TMEM144: variants seen among roughly 807,000 people sequenced by gnomAD.
TMEM144 encodes the protein transmembrane protein 144.
Under a neutral mutation model 43.6 loss-of-function variants are expected in TMEM144, and 39 were observed. The ratio of observed to expected loss-of-function variants is 0.90; its 90% CI spans 0.69 to 1.17. The LOEUF (loss-of-function observed/expected upper bound fraction) is 1.17. Among genes scored for constraint, TMEM144 ranks in the 50% most tolerant of loss-of-function variants. The pLI, the probability that TMEM144 is intolerant of heterozygous loss-of-function variation, is 0.00. For synonymous variants in TMEM144, 154 were observed against 133.6 expected (o/e 1.15, Z -1.06); for missense variants, 417 against 411.9 (o/e 1.01, Z -0.11).
At chr4:158,227,412 G>T (rs907450802) in intron 6 of TMEM144, among the ~76,000 whole-genome samples, 4 of 152,170 alleles carry the variant, frequency 2.6e-5, no homozygotes, top group African/African-American at 9.6e-5. Context: ...CACTGACAAT[G>T]AAGTGGTATT....
rs749990112 is a variant in TMEM144, at chr4:158,240,400, C to G, written c.784C>G (p.Pro262Ala). ...IAMKNSPKLY[P>A]EAVLPGFLSG... Reference sequence around the variant, plus strand: ...CATGAAAAATAGTCCTAAACTATATCCTGAAGCAGTCCTACCAGGTAAGAA... The same window carrying G: ...CATGAAAAATAGTCCTAAACTATATGCTGAAGCAGTCCTACCAGGTAAGAA... The change falls in exon 10 of 13, where the codon CCT becomes GCT. Residue 262 changes from proline (P) to alanine (A), a missense_variant. By Grantham distance (27) the Pro-to-Ala change is conservative. Transcript: ENST00000296529. 6.2e-7 allele frequency: 1 copy of G among 1,612,120 alleles called. No individual in the cohort carries two copies. The highest frequency in any genetic ancestry group is 8.5e-7 in the Non-Finnish European group (1 of 1,179,386).
At chr4:158,217,459 A>G (rs774398076) in intron 5 of TMEM144, 39 bp downstream of exon 5, 4 of 1,394,264 alleles carry the variant, frequency 2.9e-6, no homozygotes, top group Admixed American at 1.7e-5. Context: ...GATTTCCTGC[A>G]TCCATATTCT....
intron 3 of TMEM144, among the ~76,000 whole-genome samples, chr4:158,214,595 T>C (rs1258373174): frequency 2.0e-5 from 3 of 152,188 alleles, no homozygotes; most frequent in African/African-American, 4.8e-5. Context: ...ACTCAAAGTA[T>C]AGAAAGCAGA....
chr4:158,231,191 G>T (rs1231408855), intron 6 of TMEM144, among the ~76,000 whole-genome samples: 1 of 152,182 alleles, frequency 6.6e-6, no homozygotes, highest in Non-Finnish European at 1.5e-5. Flanking sequence ...GAGGGTTGGG[G>T]GTTGTTGGAG....
At chr4:158,228,819 C>G (rs1009694450) in intron 6 of TMEM144, among the ~76,000 whole-genome samples, 2 of 152,096 alleles carry the variant, frequency 1.3e-5, no homozygotes, top group Non-Finnish European at 2.9e-5. Context: ...GTTTATTCGG[C>G]CAGGAGCATC....
At position 158,226,253 on chromosome 4, in the gene TMEM144, T is replaced by C. The variant is rs563510855; in HGVS notation, c.414-6648T>C. Reference sequence around the variant, plus strand: ...ATTAGTGTGTTATTAATGTTAAACTTAATTTTAATAAAATCTTGTAGACAT... The same window carrying C: ...ATTAGTGTGTTATTAATGTTAAACTCAATTTTAATAAAATCTTGTAGACAT... On this transcript the variant is annotated intron_variant, in intron 6 of 12. Transcript: ENST00000296529. Among the ~76,000 whole-genome samples the C allele has an allele frequency of 7.9e-5, 12 of 152,362 alleles. No homozygotes were observed. The South Asian group carries it at 1.7e-3, about 21-fold the overall frequency.
At chr4:158,226,559 T>C in intron 6 of TMEM144, among the ~76,000 whole-genome samples, 1 of 152,302 alleles carries the variant, frequency 6.6e-6, no homozygotes, top group Non-Finnish European at 1.5e-5. Flanking sequence ...ATTTATATTT[T>C]TATGCCTTCT....
rs146220037 is a variant in TMEM144, at chr4:158,254,738, G to C, written c.*1211G>C. 6.6e-6 allele frequency: 1 copy of C among 152,198 alleles called. No individual in the cohort carries two copies. The highest frequency in any genetic ancestry group is 1.5e-5 in the Non-Finnish European group (1 of 68,024). The allele number at this position is 152,198 out of a possible 1,614,324, so 9.4% of individuals were successfully genotyped here. A position where few individuals can be genotyped will look rare whatever the true frequency, so the allele number is the denominator to read the frequency against. On this transcript the variant is annotated 3_prime_UTR_variant, in exon 13 of 13. Coordinates refer to ENST00000296529, the MANE Select transcript of TMEM144 (RefSeq NM_018342.5). Reference sequence around the variant, plus strand: ...AAATTTTACCCATTCCCACCTGATAGTACTGTTTATTACTTTGCTATGCAG... The same window carrying C: ...AAATTTTACCCATTCCCACCTGATACTACTGTTTATTACTTTGCTATGCAG...
chr4:158,252,765 G>A (rs184887347), intron 12 of TMEM144, among the ~76,000 whole-genome samples: 4 of 144,800 alleles, frequency 2.8e-5, no homozygotes, highest in Admixed American at 7.2e-5. Flanking sequence ...CCAAGATCAC[G>A]CCACTGAACT....
In TMEM144 at chr4:158,215,314, G is replaced by A. The variant is rs1579101656; in HGVS notation, c.232+1G>A. ...CTTGGGGGCTGCATTTGGGCAACAG[G>A]TAATGTCTGATATAACTTATACTTT... On this transcript the variant is annotated splice_donor_variant, in intron 4 of 12. Coordinates refer to ENST00000296529, the MANE Select transcript of TMEM144 (RefSeq NM_018342.5). LOFTEE classifies it high-confidence loss of function. 2 of 1,613,360 alleles carry A rather than the reference G, an allele frequency of 1.2e-6. No individual in the cohort carries two copies. Among genetic ancestry groups the A allele is most frequent in the East Asian group, 4.5e-5 (2 of 44,856 alleles).
chr4:158,212,869 C>G, intron 3 of TMEM144, 93 bp downstream of exon 3: 2 of 1,010,144 alleles, frequency 2.0e-6, no homozygotes, highest in Non-Finnish European at 3.0e-6. Flanking sequence ...AAAAATAAAT[C>G]ATGTTGATCT....
chr4:158,244,169 T>G (rs571493906), intron 11 of TMEM144, 127 bp from the exon 12 acceptor site: 4 of 504,660 alleles, frequency 7.9e-6, no homozygotes, highest in Non-Finnish European at 1.3e-5. Context: ...TAGTGTGGAG[T>G]TAGGGTTGAT....
chr4:158,251,666 C>T (rs1736210814), intron 12 of TMEM144, among the ~76,000 whole-genome samples: 1 of 152,202 alleles, frequency 6.6e-6, no homozygotes, highest in South Asian at 2.1e-4. Context: ...ATCACACACC[C>T]ACCAGCACCA....
chr4:158,219,402 T>C lies in TMEM144; in HGVS notation c.413+12T>C, dbSNP rs759301286. 1 of 1,610,440 alleles carries C rather than the reference T, an allele frequency of 6.2e-7. No individual in the cohort carries two copies. Among genetic ancestry groups the C allele is most frequent in the Non-Finnish European group, 8.5e-7 (1 of 1,177,202 alleles). On this transcript the variant is annotated intron_variant, in intron 6 of 12. Transcript: ENST00000296529. ...CTATCAGTAGTAAGGTACACAGTCA[T>C]TTCTAGTGATTTTGCTGTTCTTCAA...
chr4:158,219,889 T>C (rs750027178), intron 6 of TMEM144, among the ~76,000 whole-genome samples: 1 of 152,182 alleles, frequency 6.6e-6, no homozygotes, highest in Non-Finnish European at 1.5e-5. Context: ...TGAGAACACA[T>C]ACTCTTTTGA....
At chr4:158,251,346 A>G (rs1736192543) in intron 12 of TMEM144, among the ~76,000 whole-genome samples, 1 of 152,146 alleles carries the variant, frequency 6.6e-6, no homozygotes, top group African/African-American at 2.4e-5. Flanking sequence ...CAATGCCCTT[A>G]ATCAGCAGGA....
chr4:158,227,654 GAGAGCTCTAAAACC>G (rs1274198838), intron 6 of TMEM144, among the ~76,000 whole-genome samples: 1 of 151,682 alleles, frequency 6.6e-6, no homozygotes, highest in Non-Finnish European at 1.5e-5. Context: ...AACCACTGTG[GAGAGCTCTAAAACC>G]AGCTCTCCAA....
intron 4 of TMEM144, among the ~76,000 whole-genome samples, chr4:158,216,480 C>T (rs1297611905): frequency 3.3e-5 from 5 of 152,056 alleles, no homozygotes; most frequent in African/African-American, 7.2e-5. Flanking sequence ...ATGAACATCC[C>T]GATGTTTCTA....
At chr4:158,250,287 G>C (rs933973717) in intron 12 of TMEM144, among the ~76,000 whole-genome samples, 1 of 148,700 alleles carries the variant, frequency 6.7e-6, no homozygotes, top group African/African-American at 2.5e-5. Context: ...ACCTTTCCTT[G>C]GCAGTTTTCA....
Sources: allele counts gnomAD v4.1 joint callset (sites outside exome capture counted in the v4.1 genomes callset), GRCh38; gene constraint gnomAD v4.1.1; transcripts MANE v1.5; gene names NCBI Gene and HGNC (gene_info 2026-07-23, HGNC 2026-07-21).